Variants in TNFRSF11B observed in about 807,000 individuals in gnomAD.
TNFRSF11B encodes TNF receptor superfamily member 11b.
In TNFRSF11B, 16 loss-of-function variants were observed where a neutral mutation model predicts 43.4. That is an observed-to-expected ratio of 0.37 (90% CI 0.25 to 0.56). The LOEUF (loss-of-function observed/expected upper bound fraction) is 0.56, where lower values mean the gene tolerates loss of function less well. Among genes scored for constraint, TNFRSF11B ranks in the 20% least tolerant of loss-of-function variants. The probability of loss-of-function intolerance (pLI) is 0.80; values close to 1 mark genes in which losing one functional copy is unlikely to be tolerated. For missense variants in TNFRSF11B, 444 were observed against 490.1 expected (o/e 0.91, Z 0.89); for synonymous variants, 185 against 181.8 (o/e 1.02, Z -0.14).
At chr8:118,926,459 T>C (rs764345890) in intron 4 of TNFRSF11B, 35 bp downstream of exon 4, 10 of 1,564,748 alleles carry the variant, frequency 6.4e-6, no homozygotes, top group Middle Eastern at 3.3e-4. Flanking sequence ...GTGTCTTTGA[T>C]TTCTGATTGA....
At chr8:118,925,948 A>G (rs1812239568) in intron 4 of TNFRSF11B, among the ~76,000 whole-genome samples, 1 of 152,200 alleles carries the variant, frequency 6.6e-6, no homozygotes, top group African/African-American at 2.4e-5. Context: ...GCTTTTTCCT[A>G]CAAGAGGCTC....
chr8:118,939,366 AAAAACCCAT>A (rs1382783117), intron 1 of TNFRSF11B, among the ~76,000 whole-genome samples: 7 of 152,230 alleles, frequency 4.6e-5, no homozygotes, highest in Admixed American at 4.6e-4. Flanking sequence ...GCATGCATCC[AAAAACCCAT>A]TCTGATTTAA....
At position 118,924,705 on chromosome 8, in the gene TNFRSF11B, A is replaced by G. The variant is rs1436920342; in HGVS notation, c.875T>C (p.Phe292Ser). Residue 292 changes from phenylalanine (F) to serine (S), a missense_variant, in exon 5 of 5, where the codon TTC becomes TCC. By Grantham distance (155) the Phe-to-Ser change is radical. Transcript: ENST00000297350. Reference protein sequence around the residue: ...QRHIGHANLTFEQLRSLMESL... With the variant: ...QRHIGHANLTSEQLRSLMESL... ...TTCCATCAAGCTACGAAGCTGCTCG[A>G]AGGTGAGGTTAGCATGTCCAATGTG... The G allele has an allele frequency of 6.2e-7, 1 of 1,614,176 alleles. No individual in the cohort carries two copies. Among genetic ancestry groups the G allele is most frequent in the South Asian group, 1.1e-5 (1 of 91,078 alleles).
intron 3 of TNFRSF11B, among the ~76,000 whole-genome samples, chr8:118,927,167 T>C (rs1389921136): frequency 6.6e-6 from 1 of 152,216 alleles, no homozygotes; most frequent in African/African-American, 2.4e-5. Flanking sequence ...TTTAGACACA[T>C]AGTTTACCTT....
chr8:118,924,854 G>A (rs1029649150), intron 4 of TNFRSF11B, 92 bp from the exon 5 acceptor site: 1 of 1,493,962 alleles, frequency 6.7e-7, no homozygotes, highest in African/African-American at 1.4e-5. Flanking sequence ...GGTTCTTGCA[G>A]AATTTCATAA....
At chr8:118,930,916 G>T (rs1812319268) in intron 2 of TNFRSF11B, 1 of 234,960 alleles carries the variant, frequency 4.3e-6, no homozygotes, top group South Asian at 4.4e-5. Flanking sequence ...ACATGAACAT[G>T]ACTTCCCTCT....
chr8:118,949,933 C>T (rs1812617249), intron 1 of TNFRSF11B, among the ~76,000 whole-genome samples: 1 of 152,122 alleles, frequency 6.6e-6, no homozygotes, highest in African/African-American at 2.4e-5. Flanking sequence ...TAAAGTAAGT[C>T]TCAGAAGCTA....
chr8:118,936,305 G>C (rs1414749208), intron 1 of TNFRSF11B, among the ~76,000 whole-genome samples: 1 of 152,182 alleles, frequency 6.6e-6, no homozygotes, highest in Non-Finnish European at 1.5e-5. Flanking sequence ...AAAGCCTTGA[G>C]AAATTACAAA....
At chr8:118,928,013 T>G (rs1470239545) in intron 3 of TNFRSF11B, among the ~76,000 whole-genome samples, 1 of 62,414 alleles carries the variant, frequency 1.6e-5, no homozygotes, top group Non-Finnish European at 3.8e-5. Flanking sequence ...ACATTTCTAA[T>G]GTGTGTGTGT....
chr8:118,937,872 C>A (rs1812425130), intron 1 of TNFRSF11B, among the ~76,000 whole-genome samples: 2 of 152,134 alleles, frequency 1.3e-5, no homozygotes, highest in Admixed American at 1.3e-4. Flanking sequence ...TGAGACTTAG[C>A]AAACACTGTC....
At chr8:118,946,774 A>T (rs935944372) in intron 1 of TNFRSF11B, among the ~76,000 whole-genome samples, 8 of 152,188 alleles carry the variant, frequency 5.3e-5, no homozygotes, top group East Asian at 3.9e-4. Context: ...CACATTTTTT[A>T]AAAAAATCTC....
chr8:118,925,977 A>G (rs919165891), intron 4 of TNFRSF11B, among the ~76,000 whole-genome samples: 1 of 152,246 alleles, frequency 6.6e-6, no homozygotes, highest in Non-Finnish European at 1.5e-5. Flanking sequence ...TTCAGATTTT[A>G]TCTCATTAAT....
At chr8:118,951,722 G>T in intron 1 of TNFRSF11B, 70 bp downstream of exon 1, 1 of 1,448,742 alleles carries the variant, frequency 6.9e-7, no homozygotes, top group East Asian at 2.5e-5. Flanking sequence ...GGTCCGCTGG[G>T]AGGTTGGGAG....
At chr8:118,930,765 C>A (rs1329175572) in intron 2 of TNFRSF11B, 2 of 452,368 alleles carry the variant, frequency 4.4e-6, no homozygotes, top group Non-Finnish European at 8.9e-6. Context: ...TCTTCTCCTG[C>A]ATCCTAATGA....
At position 118,924,660 on chromosome 8, in the gene TNFRSF11B, A is replaced by G. The variant is rs1280028631; in HGVS notation, c.920T>C (p.Val307Ala). 2 of 1,613,948 alleles carry G rather than the reference A, an allele frequency of 1.2e-6. No homozygotes were observed. The highest frequency in any genetic ancestry group is 8.5e-7 in the Non-Finnish European group (1 of 1,179,994). The change falls in exon 5 of 5, where the codon GTG (valine) becomes GCG (alanine). Residue 307 changes from valine to alanine, a missense_variant. By Grantham distance (64) the Val-to-Ala change is moderately conservative. Transcript: ENST00000297350. The stretch of plus-strand genomic sequence containing the variant: ...TGTTTTTTCAATGTCTTCTGCTCCC[A>G]CTTTCTTTCCCGGTAAGCTTTCCAT... Reference protein sequence around the residue: ...SLMESLPGKKVGAEDIEKTIK... With the variant: ...SLMESLPGKKAGAEDIEKTIK...
chr8:118,940,054 A>G (rs1812462614), intron 1 of TNFRSF11B, among the ~76,000 whole-genome samples: 2 of 152,194 alleles, frequency 1.3e-5, no homozygotes, highest in Admixed American at 6.5e-5. Context: ...GCTGGAAACC[A>G]TCATTCTCAG....
Position 118,926,598 on chromosome 8 carries a change from T to C in TNFRSF11B, c.713A>G (p.Glu238Gly), listed in dbSNP as rs756526392. The C allele has an allele frequency of 1.9e-6, 3 of 1,614,034 alleles. No individual in the cohort carries two copies. Among genetic ancestry groups the C allele is most frequent in the Non-Finnish European group, 2.5e-6 (3 of 1,180,002 alleles). ...TGAGCTGTGTTGCCGTTTTATCCTCTCTACACTCTCTGCGTTTACTTTGGT... is the reference window on the plus strand; with the variant it reads ...TGAGCTGTGTTGCCGTTTTATCCTCCCTACACTCTCTGCGTTTACTTTGGT... ...PGTKVNAESVERIKRQHSSQE... is the reference protein window; with the variant it reads ...PGTKVNAESVGRIKRQHSSQE... The change falls in exon 4 of 5, where the codon GAG becomes GGG. Residue 238 changes from glutamate (E) to glycine (G), a missense_variant. Coordinates refer to ENST00000297350, the MANE Select transcript of TNFRSF11B (RefSeq NM_002546.4).
Position 118,924,002 on chromosome 8 carries a change from G to T in TNFRSF11B, c.*372C>A, listed in dbSNP as rs11573945. 1.2e-3 allele frequency: 223 copies of T among 181,796 alleles called. No individual in the cohort carries two copies. The highest frequency in any genetic ancestry group is 5.1e-3 in the African/African-American group (213 of 42,120). The allele number at this position is 181,796 out of a possible 1,614,324, so 11.3% of individuals were successfully genotyped here. On this transcript the variant is annotated 3_prime_UTR_variant, in exon 5 of 5. Coordinates refer to ENST00000297350, the MANE Select transcript of TNFRSF11B (RefSeq NM_002546.4). The stretch of plus-strand genomic sequence containing the variant: ...AGTAACTTTTACAGAAAAAAATATG[G>T]CTTTCTAATAAAAGCCTCTAGCATA...
chr8:118,945,298 T>A (rs1254837543), intron 1 of TNFRSF11B, among the ~76,000 whole-genome samples: 1 of 152,066 alleles, frequency 6.6e-6, no homozygotes, highest in African/African-American at 2.4e-5. Context: ...TTAATTCAGA[T>A]GGCAAAATCT....
Sources: gnomAD v4.1 joint callset for allele counts (sites outside exome capture counted in the v4.1 genomes callset) on GRCh38, gnomAD v4.1.1 for gene constraint, MANE v1.5 for transcripts, NCBI Gene and HGNC (gene_info 2026-07-23, HGNC 2026-07-21) for gene names.